The following RNF225 variants were observed in gnomAD, a reference collection of about 807,000 sequenced individuals.
RNF225 encodes ring finger protein 225.
For missense variants in RNF225, 510 were observed against 509.8 expected, an observed-to-expected ratio of 1.00 and a Z score of 0.00; for synonymous variants, 295 against 260.4, an observed-to-expected ratio of 1.13 and a Z score of -1.28.
In RNF225 at chr19:58,396,610, C is replaced by T; in HGVS notation, c.521C>T (p.Pro174Leu). 1.7e-6 allele frequency: 2 copies of T among 1,193,058 alleles called. No homozygotes were observed. Among genetic ancestry groups the T allele is most frequent in the South Asian group, 3.5e-5 (1 of 28,520 alleles). 73.9% of individuals were successfully genotyped at this position (1,193,058 alleles called of 1,614,324 possible). A position where few individuals can be genotyped will look rare whatever the true frequency, so the allele number is the denominator to read the frequency against. The change falls in exon 1 of 1, where the codon CCG (proline) becomes CTG (leucine). Residue 174 changes from proline (P) to leucine (L), a missense_variant. Coordinates refer to ENST00000601382, the MANE Select transcript of RNF225 (RefSeq NM_001195135.2). ...PPGPRKARAPPPPPPLRLGRP... is the reference protein window; with the variant it reads ...PPGPRKARAPLPPPPLRLGRP... The stretch of plus-strand genomic sequence containing the variant: ...GGGCCGCGCAAGGCCCGCGCCCCGC[C>T]GCCCCCGCCGCCTCTGCGCCTGGGC...
rs889785301 is a variant in RNF225, at chr19:58,396,031, G to C, written c.-59G>C. On this transcript the variant is annotated 5_prime_UTR_variant, in exon 1 of 1. Coordinates refer to ENST00000601382, the MANE Select transcript of RNF225 (RefSeq NM_001195135.2). ...GGATTCCCTGCTGGTCTCAGAACCC[G>C]CTCCAGGCTCCACCGCCTCCTTCCC... 6.9e-7 allele frequency: 1 copy of C among 1,446,714 alleles called. No homozygotes were observed. The highest frequency in any genetic ancestry group is 1.4e-5 in the African/African-American group (1 of 69,886). The allele number at this position is 1,446,714 out of a possible 1,614,324, so 89.6% of individuals were successfully genotyped here.
rs1024156672 is a variant in RNF225 at position 58,396,580 on chromosome 19, C to T, written c.491C>T (p.Pro164Leu). The T allele has an allele frequency of 3.5e-5, 37 of 1,054,804 alleles. No individual in the cohort carries two copies. The highest frequency in any genetic ancestry group is 1.1e-4 in the Admixed American group (2 of 17,968). 65.3% of individuals were successfully genotyped at this position (1,054,804 alleles called of 1,614,324 possible). ...CTCTACCTGCGGCCGCCGCCGCCCCCGCCCGGGCCGCGCAAGGCCCGCGCC... is the reference window on the plus strand; with the variant it reads ...CTCTACCTGCGGCCGCCGCCGCCCCTGCCCGGGCCGCGCAAGGCCCGCGCC... Reference protein sequence around the residue: ...GLLYLRPPPPPPGPRKARAPP... With the variant: ...GLLYLRPPPPLPGPRKARAPP... Residue 164 changes from proline (P) to leucine (L), a missense_variant, in exon 1 of 1, where the codon CCG (proline) becomes CTG (leucine). By Grantham distance (98) the Pro-to-Leu change is moderately conservative. Coordinates refer to ENST00000601382, the MANE Select transcript of RNF225 (RefSeq NM_001195135.2).
Position 58,396,416 on chromosome 19 carries a change from G to C in RNF225, c.327G>C (p.Pro109=), listed in dbSNP as rs1324141227. 1 of 1,509,014 alleles carries C rather than the reference G, an allele frequency of 6.6e-7. No homozygotes were observed. The highest frequency in any genetic ancestry group is 8.8e-7 in the Non-Finnish European group (1 of 1,136,552). 93.5% of individuals were successfully genotyped at this position (1,509,014 alleles called of 1,614,324 possible). Reference sequence around the variant, plus strand: ...GCGGCGGCAACGCGGTGGCCTGTCCGGTGTGCCGCGCGCCCACGCGCCTGG... The same window carrying C: ...GCGGCGGCAACGCGGTGGCCTGTCCCGTGTGCCGCGCGCCCACGCGCCTGG... ...TAGGGNAVAC[P]VCRAPTRLAP... Residue 109 remains proline (P), a synonymous_variant, in exon 1 of 1, where the codon CCG becomes CCC. Coordinates refer to ENST00000601382, the MANE Select transcript of RNF225 (RefSeq NM_001195135.2).
chr19:58,396,460 C>T lies in RNF225; in HGVS notation c.371C>T (p.Pro124Leu), dbSNP rs2052400098. The T allele has an allele frequency of 7.1e-7, 1 of 1,416,992 alleles. No individual in the cohort carries two copies. The highest frequency in any genetic ancestry group is 1.5e-5 in the African/African-American group (1 of 65,976). 87.8% of individuals were successfully genotyped at this position (1,416,992 alleles called of 1,614,324 possible). A position where few individuals can be genotyped will look rare whatever the true frequency, so the allele number is the denominator to read the frequency against. ...CGCCTGGCCCCCCGCCGCGGACTCC[C>T]CGCGTTGCCCACGCAGTCCGGTCTC... ...PTRLAPRRGLPALPTQSGLLP... is the reference protein window; with the variant it reads ...PTRLAPRRGLLALPTQSGLLP... Residue 124 changes from proline (P) to leucine (L), a missense_variant, in exon 1 of 1, where the codon CCC becomes CTC. Coordinates refer to ENST00000601382, the MANE Select transcript of RNF225 (RefSeq NM_001195135.2).
chr19:58,396,761 G>C lies in RNF225; in HGVS notation c.672G>C (p.Pro224=), dbSNP rs1349459575. 1 of 1,513,482 alleles carries C rather than the reference G, an allele frequency of 6.6e-7. No individual in the cohort carries two copies. The highest frequency in any genetic ancestry group is 2.6e-5 in the East Asian group (1 of 37,878). The allele number at this position is 1,513,482 out of a possible 1,614,324, so 93.8% of individuals were successfully genotyped here. The change falls in exon 1 of 1, where the codon CCG becomes CCC. Residue 224 remains proline, a synonymous_variant. Coordinates refer to ENST00000601382, the MANE Select transcript of RNF225 (RefSeq NM_001195135.2). ...GCGTCTACATCTTCTTCCTCATCCC[G>C]CACGCCACCTCCTCCGGCCCCCCGC... The part of the protein sequence containing the change: ...VSGVYIFFLI[P]HATSSGPPRP...
rs1434756836 is a variant in RNF225, at chr19:58,396,997, C to G, written c.908C>G (p.Ser303Trp). 1 of 1,534,062 alleles carries G rather than the reference C, an allele frequency of 6.5e-7. No homozygotes were observed. Among genetic ancestry groups the G allele is most frequent in the Non-Finnish European group, 8.7e-7 (1 of 1,146,408 alleles). Residue 303 changes from serine to tryptophan, a missense_variant, in exon 1 of 1, where the codon TCG becomes TGG. Transcript: ENST00000601382. ...GCCGAGAGGACGCTGGACAGGCGAT[C>G]GGATGGCACGTGGGGCACAGAGGCT... is the stretch of plus-strand genomic sequence containing the variant. Reference protein sequence around the residue: ...AEAERTLDRRSDGTWGTEAGP... With the variant: ...AEAERTLDRRWDGTWGTEAGP...
rs2052395846 is a variant in RNF225 at position 58,396,084 on chromosome 19, A to G, written c.-6A>G. 6.6e-7 allele frequency: 1 copy of G among 1,513,686 alleles called. No homozygotes were observed. Among genetic ancestry groups the G allele is most frequent in the Non-Finnish European group, 8.8e-7 (1 of 1,137,860 alleles). The allele number at this position is 1,513,686 out of a possible 1,614,324, so 93.8% of individuals were successfully genotyped here. On this transcript the variant is annotated 5_prime_UTR_variant, in exon 1 of 1. Transcript: ENST00000601382. ...CCTGACCTCCTCTCCTCCCAGGTCC[A>G]TCCGGATGCCCTGCCCTCGGCCGTT... is the stretch of plus-strand genomic sequence containing the variant.
rs2052392854 is a variant in RNF225, at chr19:58,395,708, AGGC to A, written c.-380_-378del. Among the ~76,000 whole-genome samples, 2 of 148,316 alleles carry A rather than the reference AGGC, an allele frequency of 1.3e-5. No homozygotes were observed. The highest frequency in any genetic ancestry group is 1.5e-5 in the Non-Finnish European group (1 of 67,900). On this transcript the variant is annotated 5_prime_UTR_variant, in exon 1 of 1. Coordinates refer to ENST00000601382, the MANE Select transcript of RNF225 (RefSeq NM_001195135.2). ...AGGGAGGAGGCTTCCACAGGTAGGAAGGCGCCCACAGGCTGGCTGCGGTCTGTC... is the reference window on the plus strand; with the variant it reads ...AGGGAGGAGGCTTCCACAGGTAGGAAGCCCACAGGCTGGCTGCGGTCTGTC...
chr19:58,396,114 C>T lies in RNF225; in HGVS notation c.25C>T (p.Leu9Phe). The stretch of plus-strand genomic sequence containing the variant: ...GATGCCCTGCCCTCGGCCGTTCTGG[C>T]TCCGCCATTCCCGGGCCCCCCAGGG... MPCPRPFWLRHSRAPQGSG... is the reference protein window; with the variant it reads MPCPRPFWFRHSRAPQGSG... Residue 9 changes from leucine (L) to phenylalanine (F), a missense_variant, in exon 1 of 1, where the codon CTC becomes TTC. Transcript: ENST00000601382. 1.3e-6 allele frequency: 2 copies of T among 1,531,756 alleles called. No homozygotes were observed. Among genetic ancestry groups the T allele is most frequent in the South Asian group, 1.2e-5 (1 of 83,666 alleles). The allele number at this position is 1,531,756 out of a possible 1,614,324, so 94.9% of individuals were successfully genotyped here.
Position 58,396,254 on chromosome 19 carries a change from C to G in RNF225, c.165C>G (p.Ile55Met). ...EGDGSPGSGPILPPASPVECL... is the reference protein window; with the variant it reads ...EGDGSPGSGPMLPPASPVECL... ...ACGGCAGCCCAGGCTCCGGCCCTAT[C>G]CTGCCCCCCGCCTCCCCGGTGGAGT... is the stretch of plus-strand genomic sequence containing the variant. The change falls in exon 1 of 1, where the codon ATC becomes ATG. Residue 55 changes from isoleucine to methionine, a missense_variant. Physicochemically the swap from Ile to Met is conservative, Grantham distance 10. Coordinates refer to ENST00000601382, the MANE Select transcript of RNF225 (RefSeq NM_001195135.2). The G allele has an allele frequency of 6.5e-7, 1 of 1,537,330 alleles. No homozygotes were observed. Among genetic ancestry groups the G allele is most frequent in the East Asian group, 2.4e-5 (1 of 40,974 alleles).
chr19:58,396,034 C>G lies in RNF225; in HGVS notation c.-56C>G. The G allele has an allele frequency of 6.9e-7, 1 of 1,453,292 alleles. No individual in the cohort carries two copies. Among genetic ancestry groups the G allele is most frequent in the Non-Finnish European group, 9.0e-7 (1 of 1,107,786 alleles). The allele number at this position is 1,453,292 out of a possible 1,614,324, so 90.0% of individuals were successfully genotyped here. ...TTCCCTGCTGGTCTCAGAACCCGCTCCAGGCTCCACCGCCTCCTTCCCTGC... is the reference window on the plus strand; with the variant it reads ...TTCCCTGCTGGTCTCAGAACCCGCTGCAGGCTCCACCGCCTCCTTCCCTGC... On this transcript the variant is annotated 5_prime_UTR_variant, in exon 1 of 1. Transcript: ENST00000601382.
At position 58,396,532 on chromosome 19, in the gene RNF225, G is replaced by T; in HGVS notation, c.443G>T (p.Arg148Leu). ...RAPPSRQGSV[R>L]FDRRRGLLYL... The stretch of plus-strand genomic sequence containing the variant: ...CCGCCCTCTCGCCAGGGCTCCGTGC[G>T]CTTCGACCGGCGCCGCGGCCTTCTC... The change falls in exon 1 of 1, where the codon CGC becomes CTC. Residue 148 changes from arginine (R) to leucine (L), a missense_variant. Physicochemically the swap from Arg to Leu is moderately radical, Grantham distance 102. Transcript: ENST00000601382. 8.3e-7 allele frequency: 1 copy of T among 1,200,762 alleles called. No individual in the cohort carries two copies. Among genetic ancestry groups the T allele is most frequent in the Non-Finnish European group, 1.0e-6 (1 of 968,582 alleles). 74.4% of individuals were successfully genotyped at this position (1,200,762 alleles called of 1,614,324 possible).
At position 58,396,729 on chromosome 19, in the gene RNF225, G is replaced by GTC. The variant is rs1374715132; in HGVS notation, c.643_644dup (p.Gly216ArgfsTer?). On this transcript the variant is annotated frameshift_variant, in exon 1 of 1. Coordinates refer to ENST00000601382, the MANE Select transcript of RNF225 (RefSeq NM_001195135.2). LOFTEE classifies it low-confidence loss of function (END_TRUNC). ...GGTGCTGGTGGCCGCGGGCCTCGTG[G>GTC]TCTCGGGCGTCTACATCTTCTTCCT... 16 of 1,505,682 alleles carry GTC rather than the reference G, an allele frequency of 1.1e-5. 1 individual carries two copies. In the South Asian group the frequency reaches 2.0e-4, roughly 19 times the overall value. 93.3% of individuals were successfully genotyped at this position (1,505,682 alleles called of 1,614,324 possible). A position where few individuals can be genotyped will look rare whatever the true frequency, so the allele number is the denominator to read the frequency against.
rs1286481545 is a variant in RNF225, at chr19:58,396,240, G to A, written c.151G>A (p.Gly51Ser). The change falls in exon 1 of 1, where the codon GGC becomes AGC. Residue 51 changes from glycine (G) to serine (S), a missense_variant. Gly to Ser is a moderately conservative substitution (Grantham distance 56, BLOSUM62 0). Coordinates refer to ENST00000601382, the MANE Select transcript of RNF225 (RefSeq NM_001195135.2). Reference protein sequence around the residue: ...EEEEEGDGSPGSGPILPPASP... With the variant: ...EEEEEGDGSPSSGPILPPASP... ...GGAGGAGGAAGGGGACGGCAGCCCA[G>A]GCTCCGGCCCTATCCTGCCCCCCGC... 3 of 1,540,114 alleles carry A rather than the reference G, an allele frequency of 1.9e-6. No homozygotes were observed. Among genetic ancestry groups the A allele is most frequent in the Non-Finnish European group, 2.6e-6 (3 of 1,149,626 alleles).
Position 58,396,788 on chromosome 19 carries a change from G to A in RNF225, c.699G>A (p.Arg233=). 5 of 1,518,718 alleles carry A rather than the reference G, an allele frequency of 3.3e-6. No homozygotes were observed. The highest frequency in any genetic ancestry group is 3.5e-6 in the Non-Finnish European group (4 of 1,140,500). 94.1% of individuals were successfully genotyped at this position (1,518,718 alleles called of 1,614,324 possible). ...IPHATSSGPP[R]PQLVALAPAP... ...ACGCCACCTCCTCCGGCCCCCCGCGGCCCCAGCTCGTGGCGCTCGCTCCAG... is the reference window on the plus strand; with the variant it reads ...ACGCCACCTCCTCCGGCCCCCCGCGACCCCAGCTCGTGGCGCTCGCTCCAG... Residue 233 remains arginine, a synonymous_variant, in exon 1 of 1, where the codon CGG becomes CGA. Coordinates refer to ENST00000601382, the MANE Select transcript of RNF225 (RefSeq NM_001195135.2).
Position 58,396,065 on chromosome 19 carries a change from C to G in RNF225, c.-25C>G, listed in dbSNP as rs886217971. 4 of 1,478,448 alleles carry G rather than the reference C, an allele frequency of 2.7e-6. No individual in the cohort carries two copies. The highest frequency in any genetic ancestry group is 3.6e-6 in the Non-Finnish European group (4 of 1,122,136). 91.6% of individuals were successfully genotyped at this position (1,478,448 alleles called of 1,614,324 possible). ...TCCACCGCCTCCTTCCCTGCCTGACCTCCTCTCCTCCCAGGTCCATCCGGA... is the reference window on the plus strand; with the variant it reads ...TCCACCGCCTCCTTCCCTGCCTGACGTCCTCTCCTCCCAGGTCCATCCGGA... On this transcript the variant is annotated 5_prime_UTR_variant, in exon 1 of 1. Coordinates refer to ENST00000601382, the MANE Select transcript of RNF225 (RefSeq NM_001195135.2).
In RNF225 at chr19:58,396,004, C is replaced by T. The variant is rs1488102799; in HGVS notation, c.-86C>T. 1.5e-6 allele frequency: 2 copies of T among 1,326,492 alleles called. No individual in the cohort carries two copies. The highest frequency in any genetic ancestry group is 5.5e-5 in the Admixed American group (2 of 36,470). The allele number at this position is 1,326,492 out of a possible 1,614,324, so 82.2% of individuals were successfully genotyped here. A position where few individuals can be genotyped will look rare whatever the true frequency, so the allele number is the denominator to read the frequency against. ...TCTAAAGTACAGTCCCCAGTCTTCC[C>T]TGGATTCCCTGCTGGTCTCAGAACC... On this transcript the variant is annotated 5_prime_UTR_variant, in exon 1 of 1. Coordinates refer to ENST00000601382, the MANE Select transcript of RNF225 (RefSeq NM_001195135.2).
Position 58,397,009 on chromosome 19 carries a change from G to GGGGCACAGAGGCTGGCCCCGGCT in RNF225, c.925_947dup (p.Pro317GlnfsTer?). On this transcript the variant is annotated frameshift_variant, in exon 1 of 1. Coordinates refer to ENST00000601382, the MANE Select transcript of RNF225 (RefSeq NM_001195135.2). LOFTEE classifies it low-confidence loss of function (END_TRUNC). ...CTGGACAGGCGATCGGATGGCACGT[G>GGGGCACAGAGGCTGGCCCCGGCT]GGGCACAGAGGCTGGCCCCGGCTGG... 1 of 1,533,750 alleles carries GGGGCACAGAGGCTGGCCCCGGCT rather than the reference G, an allele frequency of 6.5e-7. No individual in the cohort carries two copies. The highest frequency in any genetic ancestry group is 2.0e-5 in the Admixed American group (1 of 50,908).
At position 58,396,436 on chromosome 19, in the gene RNF225, G is replaced by T. The variant is rs1161350624; in HGVS notation, c.347G>T (p.Arg116Leu). Residue 116 changes from arginine (R) to leucine (L), a missense_variant, in exon 1 of 1, where the codon CGC becomes CTC. Coordinates refer to ENST00000601382, the MANE Select transcript of RNF225 (RefSeq NM_001195135.2). ...VACPVCRAPT[R>L]LAPRRGLPAL... ...TGTCCGGTGTGCCGCGCGCCCACGC[G>T]CCTGGCCCCCCGCCGCGGACTCCCC... The T allele has an allele frequency of 7.0e-7, 1 of 1,435,860 alleles. No individual in the cohort carries two copies. Among genetic ancestry groups the T allele is most frequent in the East Asian group, 2.9e-5 (1 of 34,434 alleles). The allele number at this position is 1,435,860 out of a possible 1,614,324, so 88.9% of individuals were successfully genotyped here.
Sources: allele counts gnomAD v4.1 joint callset (sites outside exome capture counted in the v4.1 genomes callset), GRCh38; gene constraint gnomAD v4.1.1; transcripts MANE v1.5; gene names NCBI Gene and HGNC (gene_info 2026-07-23, HGNC 2026-07-21).